DSPP: variants seen among roughly 807,000 people sequenced by gnomAD.
DSPP encodes deafness, autosomal dominant 39.
In DSPP, 28 loss-of-function variants were observed where a neutral mutation model predicts 29.1. The ratio of observed to expected loss-of-function variants is 0.96; its 90% CI spans 0.71 to 1.32. The LOEUF is 1.32. Among genes scored for constraint, DSPP ranks in the 40% most tolerant of loss-of-function variants. The pLI, the probability that DSPP is intolerant of heterozygous loss-of-function variation, is 0.00. For synonymous variants in DSPP, 481 were observed against 503.4 expected, an observed-to-expected ratio of 0.96 and a Z score of 0.60; for missense variants, 1,281 against 1,629.9, an observed-to-expected ratio of 0.79 and a Z score of 3.69.
rs537399785 is a variant in DSPP at position 87,616,145 on chromosome 4, CAGCAGCGAT to C, written c.3492_3500del (p.Asp1176_Ser1178del). 6,647 of 1,492,776 alleles carry C rather than the reference CAGCAGCGAT, an allele frequency of 4.5e-3. 620 individuals are homozygous for C. Among genetic ancestry groups the C allele is most frequent in the African/African-American group, 9.2e-3 (600 of 65,122 alleles). The allele number at this position is 1,492,776 out of a possible 1,614,324, so 92.5% of individuals were successfully genotyped here. On this transcript the variant is annotated inframe_deletion, in exon 5 of 5. Transcript: ENST00000651931. ...GCAGTGACAGCAGCGACAGCAGTGA[CAGCAGCGAT>C]AGCAGCGACAGCAGCGACAGCAGCG...
In DSPP at chr4:87,616,073, C is replaced by T. The variant is rs201608130; in HGVS notation, c.3411C>T (p.Asp1137=). 3 of 1,099,754 alleles carry T rather than the reference C, an allele frequency of 2.7e-6. No individual in the cohort carries two copies. Among genetic ancestry groups the T allele is most frequent in the East Asian group, 1.0e-4 (1 of 9,558 alleles). The allele number at this position is 1,099,754 out of a possible 1,614,324, so 68.1% of individuals were successfully genotyped here. Residue 1137 remains aspartate, a synonymous_variant, in exon 5 of 5, where the codon GAC becomes GAT. Coordinates refer to ENST00000651931, the MANE Select transcript of DSPP (RefSeq NM_014208.3). ...GCAGCGACAGCAGTGATAGCAGTGA[C>T]AGCAGCAACAGCAGTGACAGCAGTG... The part of the protein sequence containing the change: ...SDSSDSSDSS[D]SSNSSDSSDS...
In DSPP at chr4:87,612,444, A is replaced by C; in HGVS notation, c.258A>C (p.Ala86=). 1.2e-6 allele frequency: 2 copies of C among 1,614,038 alleles called. No individual in the cohort carries two copies. Among genetic ancestry groups the C allele is most frequent in the Non-Finnish European group, 1.7e-6 (2 of 1,179,950 alleles). ...HKGEGNGSKW[A]EVGGKSFSTY... The stretch of plus-strand genomic sequence containing the variant: ...GAGAAGGGAATGGCTCTAAGTGGGC[A>C]GAAGTAGGAGGGAAGAGTTTTTCTA... The change falls in exon 4 of 5, where the codon GCA becomes GCC. Residue 86 remains alanine (A), a synonymous_variant. Coordinates refer to ENST00000651931, the MANE Select transcript of DSPP (RefSeq NM_014208.3).
In DSPP at chr4:87,612,295, T is replaced by C. The variant is rs562493366; in HGVS notation, c.136-27T>C. On this transcript the variant is annotated intron_variant, in intron 3 of 4. Coordinates refer to ENST00000651931, the MANE Select transcript of DSPP (RefSeq NM_014208.3). ...TTTCCTTCAAGATCATTGATACTTATAATTGATTGAATTGTTTCTTTTTCA... is the reference window on the plus strand; with the variant it reads ...TTTCCTTCAAGATCATTGATACTTACAATTGATTGAATTGTTTCTTTTTCA... 28 of 1,613,604 alleles carry C rather than the reference T, an allele frequency of 1.7e-5. No individual in the cohort carries two copies. In the South Asian group the frequency reaches 2.9e-4, roughly 16 times the overall value.
chr4:87,615,080 C>T lies in DSPP; in HGVS notation c.2418C>T (p.Ser806=), dbSNP rs370351003. ...DSSNSSDSSN[S]SDSSDSSDSS... ...GCAACAGCAGTGATAGCAGCAACAG[C>T]AGTGATAGCAGTGATAGCAGTGACA... Residue 806 remains serine (S), a synonymous_variant, in exon 5 of 5, where the codon AGC becomes AGT. Coordinates refer to ENST00000651931, the MANE Select transcript of DSPP (RefSeq NM_014208.3). 9.7e-5 allele frequency: 150 copies of T among 1,548,078 alleles called. No individual in the cohort carries two copies. The highest frequency in any genetic ancestry group is 1.3e-4 in the Non-Finnish European group (144 of 1,146,322).
Sources: allele counts gnomAD v4.1 joint callset, GRCh38; gene constraint gnomAD v4.1.1; transcripts MANE v1.5; gene names NCBI Gene and HGNC (gene_info 2026-07-23, HGNC 2026-07-21).